Variants in FRMPD4 observed in about 807,000 individuals in gnomAD.
FRMPD4 encodes FERM and PDZ domain containing 4.
In FRMPD4, 22 loss-of-function variants were observed where a neutral mutation model predicts 94.1. The ratio of observed to expected loss-of-function variants is 0.23; its 90% CI spans 0.17 to 0.33. FRMPD4 has a LOEUF of 0.33. Ranked by LOEUF, FRMPD4 falls within the 10% of genes least tolerant of loss-of-function variation. The pLI, the probability that FRMPD4 is intolerant of heterozygous loss-of-function variation, is 1.00. For synonymous variants in FRMPD4, 631 were observed against 548.6 expected (o/e 1.15, Z -2.10); for missense variants, 1,111 against 1,339.9 (o/e 0.83, Z 2.67).
At chrX:12,632,330 G>A (rs2059403490) in intron 4 of FRMPD4, among the ~76,000 whole-genome samples, 2 of 111,466 alleles carry the variant, frequency 1.8e-5, no homozygotes, top group African/African-American at 6.5e-5. Context: ...GGCATTCTGT[G>A]AGAGACCATT....
At chrX:11,965,747 A>T (rs974622509) in intron 3 of FRMPD4, among the ~76,000 whole-genome samples, 5 of 111,769 alleles carry the variant, frequency 4.5e-5, no homozygotes, top group East Asian at 2.8e-4. Context: ...TCTTAAATTT[A>T]AAAAAAATCA....
At chrX:12,105,450 G>C (rs1161076655) in intron 3 of FRMPD4, among the ~76,000 whole-genome samples, 1 of 112,069 alleles carries the variant, frequency 8.9e-6, no homozygotes, top group African/African-American at 3.2e-5. Context: ...TCTATCCTCT[G>C]TGTGTGTACA....
chrX:12,423,418 G>T (rs935149739), intron 1 of FRMPD4, among the ~76,000 whole-genome samples: 6 of 110,987 alleles, frequency 5.4e-5, no homozygotes, highest in African/African-American at 1.6e-4. Context: ...TAGGAGATTA[G>T]GTTTTAAAGG....
chrX:12,063,373 G>GAAAC (rs201592615), intron 3 of FRMPD4, among the ~76,000 whole-genome samples: 5 of 111,017 alleles, frequency 4.5e-5, no homozygotes, highest in Non-Finnish European at 7.6e-5. Flanking sequence ...CATTTCAAAA[G>GAAAC]AAACAAACAA....
intron 1 of FRMPD4, among the ~76,000 whole-genome samples, chrX:12,304,642 AG>A (rs2054908971): frequency 8.9e-6 from 1 of 111,930 alleles, no homozygotes; most frequent in Non-Finnish European, 1.9e-5. Context: ...TTATCAACAG[AG>A]AAAGAGCAGC....
intron 1 of FRMPD4, among the ~76,000 whole-genome samples, chrX:12,354,947 T>C (rs2055872275): frequency 8.9e-6 from 1 of 112,213 alleles, no homozygotes; most frequent in Non-Finnish European, 1.9e-5. Context: ...CACTTTACTG[T>C]GTGAATTTCT....
chrX:12,174,924 C>A (rs2056275384), intron 1 of FRMPD4, among the ~76,000 whole-genome samples: 2 of 111,998 alleles, frequency 1.8e-5, no homozygotes, highest in South Asian at 7.5e-4. Context: ...AGTCACTGAT[C>A]CCTGTTTTAT....
intron 9 of FRMPD4, among the ~76,000 whole-genome samples, chrX:12,698,834 A>G (rs2060159982): frequency 9.0e-6 from 1 of 111,359 alleles, no homozygotes; most frequent in Non-Finnish European, 1.9e-5. Context: ...ATTTCATGAA[A>G]CATATTTACA....
At chrX:11,970,703 T>A (rs1458522902) in intron 3 of FRMPD4, among the ~76,000 whole-genome samples, 1 of 111,799 alleles carries the variant, frequency 8.9e-6, no homozygotes, top group Non-Finnish European at 1.9e-5. Context: ...TGTGAAATGA[T>A]TTTTTCCCCC....
intron 3 of FRMPD4, among the ~76,000 whole-genome samples, chrX:12,008,479 A>G (rs2054565223): frequency 8.9e-6 from 1 of 112,484 alleles, no homozygotes; most frequent in Admixed American, 9.4e-5. Flanking sequence ...CATTTTTCTT[A>G]TTTTAAACAC....
At chrX:11,980,886 T>A (rs1173157124) in intron 3 of FRMPD4, among the ~76,000 whole-genome samples, 2 of 111,936 alleles carry the variant, frequency 1.8e-5, no homozygotes, top group Non-Finnish European at 3.8e-5. Context: ...TCCTTGTTAC[T>A]GATTTTTAAA....
chrX:12,138,644 A>C lies in FRMPD4; in HGVS notation c.-328A>C. ...TGGACGCCCGGCAGTCCCCGGGGCT[A>C]GAGCGCACGGGGCGGGGCGCGAGAC... On this transcript the variant is annotated 5_prime_UTR_variant, in exon 1 of 17. Coordinates refer to ENST00000675598, the MANE Select transcript of FRMPD4 (RefSeq NM_001368397.1). 3.4e-6 allele frequency: 1 copy of C among 292,220 alleles called. No individual in the cohort carries two copies. 24.1% of individuals were successfully genotyped at this position (292,220 alleles called of 1,213,427 possible).
intron 1 of FRMPD4, among the ~76,000 whole-genome samples, chrX:12,486,653 T>C (rs1046691219): frequency 4.4e-5 from 5 of 112,766 alleles, no homozygotes; most frequent in Non-Finnish European, 7.5e-5. Flanking sequence ...CATTATTCCA[T>C]GATATAGAAA....
intron 3 of FRMPD4, among the ~76,000 whole-genome samples, chrX:11,948,187 G>A (rs1330942756): frequency 9.1e-6 from 1 of 110,244 alleles, no homozygotes; most frequent in Non-Finnish European, 1.9e-5. Flanking sequence ...GCTTTACTGT[G>A]TTCTTTGGTG....
intron 1 of FRMPD4, among the ~76,000 whole-genome samples, chrX:12,495,588 G>A (rs963226272): frequency 3.6e-5 from 4 of 111,084 alleles, no homozygotes; most frequent in African/African-American, 1.3e-4. Context: ...GTAGGTCTTG[G>A]GTGGTGCCCC....
In FRMPD4 at chrX:12,529,630, C is replaced by T. The variant is rs372577457; in HGVS notation, c.158+30834C>T. ...CTCTTATTCTCAAGATACTCACAGT[C>T]TGCCTGGGAACATGGATCAACCAAT... is the stretch of plus-strand genomic sequence containing the variant. On this transcript the variant is annotated intron_variant, in intron 2 of 16. Transcript: ENST00000675598. Among the ~76,000 whole-genome samples the T allele has an allele frequency of 6.2e-5, 7 of 112,331 alleles. No homozygotes were observed. In the East Asian group the frequency reaches 1.7e-3, roughly 27 times the overall value.
chrX:12,482,903 C>G (rs2057702631), intron 1 of FRMPD4, among the ~76,000 whole-genome samples: 1 of 111,894 alleles, frequency 8.9e-6, no homozygotes, highest in Non-Finnish European at 1.9e-5. Flanking sequence ...TGATGAGTGG[C>G]TACCATATTG....
At chrX:12,653,843 C>T (rs2059623787) in intron 4 of FRMPD4, among the ~76,000 whole-genome samples, 1 of 112,185 alleles carries the variant, frequency 8.9e-6, no homozygotes, top group Admixed American at 9.4e-5. Flanking sequence ...TCTCGGCTCA[C>T]AGCAACCCCC....
intron 3 of FRMPD4, among the ~76,000 whole-genome samples, chrX:11,879,752 A>G (rs978027939): frequency 9.8e-5 from 11 of 112,312 alleles, no homozygotes; most frequent in African/African-American, 3.2e-4. Context: ...AACACTCTCA[A>G]CTATAGAACT....
Sources: gnomAD v4.1 joint callset for allele counts (sites outside exome capture counted in the v4.1 genomes callset) on GRCh38, gnomAD v4.1.1 for gene constraint, MANE v1.5 for transcripts, NCBI Gene and HGNC (gene_info 2026-07-23, HGNC 2026-07-21) for gene names.